The following SHISA9 variants were observed in gnomAD, a reference collection of about 807,000 sequenced individuals.
SHISA9 encodes the protein shisa family member 9.
SHISA9 carries 13 observed loss-of-function variants against 38.0 expected under a neutral mutation model. That is an observed-to-expected ratio of 0.34 (90% confidence interval 0.22 to 0.54). The LOEUF (loss-of-function observed/expected upper bound fraction) is 0.54. Ranked by LOEUF, SHISA9 falls within the 20% of genes least tolerant of loss-of-function variation. The pLI, the probability that SHISA9 is intolerant of heterozygous loss-of-function variation, is 0.91. For missense variants in SHISA9, 538 were observed against 575.8 expected, an observed-to-expected ratio of 0.93 and a Z score of 0.67; for synonymous variants, 275 against 242.0, an observed-to-expected ratio of 1.14 and a Z score of -1.27.
At chr16:13,503,181 G>A in the SHISA9 span, among the ~76,000 whole-genome samples, 1 of 152,166 alleles carries the variant, frequency 6.6e-6, no homozygotes, top group Non-Finnish European at 1.5e-5. Context: ...AAAGGTTGAT[G>A]TGTTTAAGAA....
intron 2 of SHISA9, among the ~76,000 whole-genome samples, chr16:13,170,107 G>A (rs2050672137): frequency 6.6e-6 from 1 of 151,442 alleles, no homozygotes; most frequent in African/African-American, 2.4e-5. Context: ...AGAGGCTGAG[G>A]CAGGAGAATC....
chr16:13,205,197 A>C (rs142539402), intron 3 of SHISA9, among the ~76,000 whole-genome samples: 2 of 152,294 alleles, frequency 1.3e-5, no homozygotes, highest in Non-Finnish European at 2.9e-5. Flanking sequence ...GGCATTTTTA[A>C]AGCACTCTGT....
the SHISA9 span, among the ~76,000 whole-genome samples, chr16:13,364,749 C>G: frequency 6.6e-6 from 1 of 152,208 alleles, no homozygotes; most frequent in Non-Finnish European, 1.5e-5. Flanking sequence ...ACGATAATCA[C>G]TTCTTGAATA....
intron 2 of SHISA9, among the ~76,000 whole-genome samples, chr16:13,109,374 C>T (rs749101486): frequency 6.6e-6 from 1 of 152,116 alleles, no homozygotes; most frequent in African/African-American, 2.4e-5. Context: ...GCTTATTACT[C>T]ATTCACTCAT....
chr16:13,277,871 T>C, the SHISA9 span, among the ~76,000 whole-genome samples: 1 of 152,032 alleles, frequency 6.6e-6, no homozygotes, highest in Non-Finnish European at 1.5e-5. Context: ...ACAGTGACGA[T>C]TTAACGTCCT....
At chr16:13,288,277 A>G in the SHISA9 span, among the ~76,000 whole-genome samples, 1 of 152,186 alleles carries the variant, frequency 6.6e-6, no homozygotes, top group African/African-American at 2.4e-5. Flanking sequence ...GGCTTAAACA[A>G]TAAGAATTAA....
At chr16:13,219,997 C>A (rs537586631) in intron 4 of SHISA9, among the ~76,000 whole-genome samples, 1 of 152,192 alleles carries the variant, frequency 6.6e-6, no homozygotes, top group South Asian at 2.1e-4. Flanking sequence ...TGCATCTCAC[C>A]TGAAAATTGG....
the SHISA9 span, among the ~76,000 whole-genome samples, chr16:13,391,277 T>G: frequency 6.6e-6 from 1 of 152,316 alleles, no homozygotes; most frequent in South Asian, 2.1e-4. Flanking sequence ...TCTGCTTAAC[T>G]TAGTCTTGGT....
chr16:13,415,830 C>T, the SHISA9 span, among the ~76,000 whole-genome samples: 1 of 149,898 alleles, frequency 6.7e-6, no homozygotes, highest in Admixed American at 6.6e-5. Flanking sequence ...AAAAAAAAGT[C>T]ACTTTGATTT....
At chr16:13,078,226 C>T (rs2073606560) in intron 2 of SHISA9, among the ~76,000 whole-genome samples, 1 of 152,234 alleles carries the variant, frequency 6.6e-6, no homozygotes, top group Non-Finnish European at 1.5e-5. Flanking sequence ...TCTCTAGATG[C>T]TCAAGTCCCT....
At chr16:13,054,057 C>G (rs1057240292) in intron 2 of SHISA9, among the ~76,000 whole-genome samples, 4 of 152,174 alleles carry the variant, frequency 2.6e-5, no homozygotes, top group African/African-American at 9.7e-5. Flanking sequence ...AAGCCCACAT[C>G]AATCCTGAAA....
At chr16:13,544,396 G>A in the SHISA9 span, among the ~76,000 whole-genome samples, 5 of 143,630 alleles carry the variant, frequency 3.5e-5, no homozygotes, top group African/African-American at 1.0e-4. Flanking sequence ...TTAGTTTTTC[G>A]GTTTTTTGTT....
At chr16:13,400,913 G>A in the SHISA9 span, among the ~76,000 whole-genome samples, 28 of 152,296 alleles carry the variant, frequency 1.8e-4, no homozygotes, top group Non-Finnish European at 1.6e-4. Flanking sequence ...AAGAAAGCAT[G>A]GGTGAACCCT....
chr16:12,924,903 T>A (rs1312943634), intron 2 of SHISA9, among the ~76,000 whole-genome samples: 1 of 152,190 alleles, frequency 6.6e-6, no homozygotes, highest in African/African-American at 2.4e-5. Flanking sequence ...AGTTTCCCAT[T>A]CTATAAAAGG....
rs1451910704 is a variant in SHISA9, at chr16:13,171,945, A to C, written c.692-31449A>C. Among the ~76,000 whole-genome samples, 5 of 152,286 alleles carry C rather than the reference A, an allele frequency of 3.3e-5. No individual in the cohort carries two copies. The East Asian group carries it at 9.6e-4, about 29-fold the overall frequency. ...TAACAGGACTTACTTCTAGTTTTAC[A>C]GTAGCTATTATATGAAATAACCCAA... On this transcript the variant is annotated intron_variant, in intron 2 of 4. Coordinates refer to ENST00000558583, the MANE Select transcript of SHISA9 (RefSeq NM_001145204.3).
the SHISA9 span, among the ~76,000 whole-genome samples, chr16:13,353,648 G>A: frequency 5.3e-5 from 8 of 152,226 alleles, no homozygotes; most frequent in South Asian, 4.2e-4. Flanking sequence ...AACAAGGAGC[G>A]TCTATACAGG....
At chr16:13,462,959 C>T in the SHISA9 span, among the ~76,000 whole-genome samples, 2 of 135,304 alleles carry the variant, frequency 1.5e-5, no homozygotes, top group Non-Finnish European at 3.3e-5. Context: ...GAGACTCCAT[C>T]TTAAAAAATA....
the SHISA9 span, among the ~76,000 whole-genome samples, chr16:13,295,699 ATGT>A: frequency 6.6e-6 from 1 of 152,162 alleles, no homozygotes; most frequent in Non-Finnish European, 1.5e-5. Context: ...TGATTTAATA[ATGT>A]TGTGGAAAAT....
chr16:13,179,697 A>G (rs1430690618), intron 2 of SHISA9, among the ~76,000 whole-genome samples: 1 of 152,226 alleles, frequency 6.6e-6, no homozygotes, highest in East Asian at 1.9e-4. Flanking sequence ...AATTTGTTCT[A>G]TCAATTAATG....
Sources: gnomAD v4.1 joint callset for allele counts (sites outside exome capture counted in the v4.1 genomes callset) on GRCh38, gnomAD v4.1.1 for gene constraint, MANE v1.5 for transcripts, NCBI Gene and HGNC (gene_info 2026-07-23, HGNC 2026-07-21) for gene names.